The following SDK1 variants were observed in gnomAD, a reference collection of about 807,000 sequenced individuals.
The protein encoded by SDK1 is sidekick cell adhesion molecule 1.
In SDK1, 157 loss-of-function variants were observed where a neutral mutation model predicts 245.5. The observed-to-expected ratio is 0.64, with a 90% CI of 0.56 to 0.73. The LOEUF is 0.73. Among genes scored for constraint, SDK1 ranks in the 30% least tolerant of loss-of-function variants. The probability of loss-of-function intolerance (pLI) is 0.00; values close to 1 mark genes in which losing one functional copy is unlikely to be tolerated. For missense variants in SDK1, 3,583 were observed against 3,002.3 expected (o/e 1.19, Z -4.52); for synonymous variants, 1,647 against 1,278.5 (o/e 1.29, Z -6.15).
chr7:3,964,212 C>G (rs1265978384), intron 9 of SDK1, among the ~76,000 whole-genome samples: 1 of 152,192 alleles, frequency 6.6e-6, no homozygotes, highest in Admixed American at 6.5e-5. Flanking sequence ...ACCAGGAGAG[C>G]CAGCTCTCAA....
chr7:3,983,008 A>G (rs568665003), intron 13 of SDK1, among the ~76,000 whole-genome samples: 13 of 152,228 alleles, frequency 8.5e-5, no homozygotes, highest in African/African-American at 3.1e-4. Flanking sequence ...GAGAACTAGA[A>G]TTAGAGGTGG....
chr7:4,071,552 C>T (rs1432173601), intron 20 of SDK1, among the ~76,000 whole-genome samples: 1 of 152,146 alleles, frequency 6.6e-6, no homozygotes, highest in East Asian at 1.9e-4. Context: ...AGGAATTAAG[C>T]AAAGGCAGGG....
intron 1 of SDK1, among the ~76,000 whole-genome samples, chr7:3,388,452 G>A (rs1781663875): frequency 6.6e-6 from 1 of 151,760 alleles, no homozygotes; most frequent in East Asian, 1.9e-4. Context: ...CCAGACTTGA[G>A]TGCAGTGGCA....
At chr7:4,142,486 G>A (rs1288990348) in intron 28 of SDK1, among the ~76,000 whole-genome samples, 2 of 152,088 alleles carry the variant, frequency 1.3e-5, no homozygotes, top group African/African-American at 4.8e-5. Flanking sequence ...CCGCCATCAC[G>A]CCCGGCTAAT....
chr7:3,602,503 G>A (rs532535652), intron 1 of SDK1, among the ~76,000 whole-genome samples: 10 of 152,166 alleles, frequency 6.6e-5, no homozygotes, highest in East Asian at 3.9e-4. Flanking sequence ...CATATGCTTC[G>A]CCCACTTTTT....
intron 5 of SDK1, among the ~76,000 whole-genome samples, chr7:3,858,660 T>C (rs6972300): frequency 0.053 from 8,027 of 151,902 alleles, 688 homozygotes; most frequent in African/African-American, 0.18. Context: ...ACCATCCTTC[T>C]AGGAAGCACA....
chr7:3,654,647 C>T (rs990855035), intron 4 of SDK1, among the ~76,000 whole-genome samples: 5 of 152,178 alleles, frequency 3.3e-5, no homozygotes, highest in African/African-American at 7.2e-5. Context: ...GTAGATGACA[C>T]TGTCCCTGCT....
intron 26 of SDK1, 93 bp downstream of exon 26, chr7:4,127,589 TCTC>T (rs938688632): frequency 1.6e-5 from 14 of 883,784 alleles, no homozygotes; most frequent in Admixed American, 5.5e-5. Flanking sequence ...AGCTTCCTCT[TCTC>T]CTACAGATCT....
intron 1 of SDK1, among the ~76,000 whole-genome samples, chr7:3,604,115 G>A (rs930028026): frequency 6.6e-6 from 1 of 152,164 alleles, no homozygotes; most frequent in East Asian, 1.9e-4. Context: ...TTGCATCGAT[G>A]TTCATCAAGG....
chr7:4,047,852 G>T (rs1338698031), intron 17 of SDK1, among the ~76,000 whole-genome samples: 1 of 152,180 alleles, frequency 6.6e-6, no homozygotes, highest in South Asian at 2.1e-4. Flanking sequence ...CTTGTTCTTA[G>T]GTGGATGTGA....
chr7:3,569,373 C>T (rs181435392), intron 1 of SDK1, among the ~76,000 whole-genome samples: 2 of 152,334 alleles, frequency 1.3e-5, no homozygotes, highest in East Asian at 3.9e-4. Flanking sequence ...CCCAGTCAGT[C>T]ACCTGGTTCC....
In SDK1 at chr7:4,044,190, C is replaced by A. The variant is rs546990086; in HGVS notation, c.2603-5158C>A. On this transcript the variant is annotated intron_variant, in intron 17 of 44. Coordinates refer to ENST00000404826, the MANE Select transcript of SDK1 (RefSeq NM_152744.4). ...GATGGCTTCGTGCACACGTTGGCGC[C>A]ATGGCTAGGAAAGCGGAAAGGCTGG... Among the ~76,000 whole-genome samples the A allele has an allele frequency of 3.7e-3, 558 of 152,302 alleles. 6 individuals carry two copies. The South Asian group carries it at 0.039, about 11-fold the overall frequency.
At chr7:4,250,971 C>T (rs1787255722) in intron 44 of SDK1, among the ~76,000 whole-genome samples, 1 of 152,146 alleles carries the variant, frequency 6.6e-6, no homozygotes, top group South Asian at 2.1e-4. Context: ...ACCCTGGCAG[C>T]CACTTTCTGT....
At chr7:3,804,360 G>C (rs1316644546) in intron 4 of SDK1, among the ~76,000 whole-genome samples, 2 of 152,224 alleles carry the variant, frequency 1.3e-5, no homozygotes, top group East Asian at 3.9e-4. Flanking sequence ...TTCCTTCACA[G>C]ATTGGTTTTT....
intron 5 of SDK1, among the ~76,000 whole-genome samples, chr7:3,892,419 G>A (rs926495429): frequency 6.6e-6 from 1 of 152,188 alleles, no homozygotes; most frequent in African/African-American, 2.4e-5. Context: ...CTCCGGAGGG[G>A]AAGCGGGAAC....
chr7:3,686,504 T>G (rs1784285080), intron 4 of SDK1, among the ~76,000 whole-genome samples: 1 of 152,224 alleles, frequency 6.6e-6, no homozygotes, highest in African/African-American at 2.4e-5. Context: ...CACATATGCC[T>G]GTCACTCACG....
intron 19 of SDK1, among the ~76,000 whole-genome samples, chr7:4,067,200 C>G (rs778827918): frequency 1.3e-5 from 2 of 152,222 alleles, no homozygotes; most frequent in Non-Finnish European, 2.9e-5. Flanking sequence ...GTCTGACACC[C>G]AGCTTGGACG....
chr7:3,514,501 G>A (rs1782676477), intron 1 of SDK1, among the ~76,000 whole-genome samples: 1 of 152,132 alleles, frequency 6.6e-6, no homozygotes. Context: ...TGGTTTGGCG[G>A]TCCCACAGCC....
At position 3,367,323 on chromosome 7, in the gene SDK1, C is replaced by T. The variant is rs1023310908; in HGVS notation, c.298+65439C>T. Among the ~76,000 whole-genome samples the T allele has an allele frequency of 7.2e-5, 11 of 152,118 alleles. No individual in the cohort carries two copies. The South Asian group carries it at 2.1e-3, about 29-fold the overall frequency. On this transcript the variant is annotated intron_variant, in intron 1 of 44. Coordinates refer to ENST00000404826, the MANE Select transcript of SDK1 (RefSeq NM_152744.4). ...AAGTTAGGAATTTTGTGTAGGAAAG[C>T]AAGGAATAGAATAGAAAATAAAATA...
Sources: gnomAD v4.1 joint callset for allele counts (sites outside exome capture counted in the v4.1 genomes callset) on GRCh38, gnomAD v4.1.1 for gene constraint, MANE v1.5 for transcripts, NCBI Gene and HGNC (gene_info 2026-07-23, HGNC 2026-07-21) for gene names.